The following SH3GL2 variants were observed in gnomAD, a reference collection of about 807,000 sequenced individuals.
SH3GL2 encodes the protein SH3 domain containing GRB2 like 2, endophilin A1, also known as endophilin-A1.
Under a neutral mutation model 46.0 loss-of-function variants are expected in SH3GL2, and 24 were observed. The ratio of observed to expected loss-of-function variants is 0.52; its 90% CI spans 0.38 to 0.73. The LOEUF (loss-of-function observed/expected upper bound fraction) is 0.73, where lower values mean the gene tolerates loss of function less well. SH3GL2 is among the 30% of genes least tolerant of loss of function. SH3GL2 has a pLI of 0.00. For missense variants in SH3GL2, 413 were observed against 424.2 expected (o/e 0.97, Z 0.23); for synonymous variants, 196 against 147.1 (o/e 1.33, Z -2.40).
intron 1 of SH3GL2, among the ~76,000 whole-genome samples, chr9:17,584,672 G>C (rs1286462911): frequency 6.6e-6 from 1 of 152,152 alleles, no homozygotes; most frequent in Non-Finnish European, 1.5e-5. Context: ...AGAGGTGTCA[G>C]GATTGAATGA....
chr9:17,636,318 T>C (rs1819542977), intron 1 of SH3GL2, among the ~76,000 whole-genome samples: 1 of 152,174 alleles, frequency 6.6e-6, no homozygotes, highest in Admixed American at 6.6e-5. Flanking sequence ...ATGGTCTGTG[T>C]TCTAATAACC....
At chr9:17,785,639 A>G (rs377429830) in intron 3 of SH3GL2, among the ~76,000 whole-genome samples, 9 of 152,146 alleles carry the variant, frequency 5.9e-5, no homozygotes, top group East Asian at 3.9e-4. Flanking sequence ...GGCTTTAACA[A>G]TTTTTTTAAT....
intron 1 of SH3GL2, among the ~76,000 whole-genome samples, chr9:17,596,292 A>G (rs1418562611): frequency 6.6e-6 from 1 of 152,228 alleles, no homozygotes; most frequent in Non-Finnish European, 1.5e-5. Flanking sequence ...TACAAACATT[A>G]TAAGTAAGCA....
At chr9:17,786,236 G>T in intron 3 of SH3GL2, 145 bp from the exon 4 acceptor site, 1 of 655,084 alleles carries the variant, frequency 1.5e-6, no homozygotes. Context: ...CTGACTGACG[G>T]AGAGAACACT....
rs377538406 is a variant in SH3GL2 at position 17,795,560 on chromosome 9, G to T, written c.876G>T (p.Gln292His). 7 of 1,613,802 alleles carry T rather than the reference G, an allele frequency of 4.3e-6. No individual in the cohort carries two copies. The highest frequency in any genetic ancestry group is 5.9e-6 in the Non-Finnish European group (7 of 1,179,874). Residue 292 changes from glutamine (Q) to histidine (H), a missense_variant, in exon 9 of 9, where the codon CAG (glutamine) becomes CAT (histidine). Around this residue, in one of 3 missense-constraint regions of SH3GL2, gnomAD observed 248 missense variants for 215.0 expected, o/e 1.15. Transcript: ENST00000380607. The part of the protein sequence containing the change: ...TPKPSGVQMD[Q>H]PCCRALYDFE... ...TACTCCCAGGTGTCCAAATGGATCA[G>T]CCCTGCTGCCGAGCTCTGTACGACT... is the stretch of plus-strand genomic sequence containing the variant.
At chr9:17,755,020 A>G (rs898928449) in intron 2 of SH3GL2, among the ~76,000 whole-genome samples, 1 of 152,040 alleles carries the variant, frequency 6.6e-6, no homozygotes, top group Admixed American at 6.6e-5. Context: ...TTCCAATACT[A>G]TGTTAAATAG....
chr9:17,735,461 C>T (rs529193959), intron 1 of SH3GL2, among the ~76,000 whole-genome samples: 92 of 152,238 alleles, frequency 6.0e-4, no homozygotes, highest in African/African-American at 2.1e-3. Context: ...CATATAGCTA[C>T]AGTTGACCCT....
chr9:17,657,331 A>G (rs781231032), intron 1 of SH3GL2, among the ~76,000 whole-genome samples: 55 of 152,120 alleles, frequency 3.6e-4, no homozygotes, highest in Non-Finnish European at 7.2e-4. Context: ...ACCTGTTGTA[A>G]AATCTGGAGC....
chr9:17,748,575 A>AT, intron 2 of SH3GL2, among the ~76,000 whole-genome samples: 1 of 152,212 alleles, frequency 6.6e-6, no homozygotes, highest in East Asian at 1.9e-4. Context: ...TTAAAAAAAA[A>AT]ATCCTAGGTA....
intron 1 of SH3GL2, among the ~76,000 whole-genome samples, chr9:17,664,821 T>C (rs1463761890): frequency 6.6e-6 from 1 of 151,926 alleles, no homozygotes; most frequent in Non-Finnish European, 1.5e-5. Flanking sequence ...CCCCTTTTAA[T>C]TCACTCAACT....
At chr9:17,645,338 G>T (rs1241272826) in intron 1 of SH3GL2, among the ~76,000 whole-genome samples, 3 of 151,818 alleles carry the variant, frequency 2.0e-5, no homozygotes, top group Admixed American at 6.6e-5. Context: ...TTGCAAGTCT[G>T]TGCCTTTTAA....
intron 1 of SH3GL2, among the ~76,000 whole-genome samples, chr9:17,682,536 A>C (rs1023328716): frequency 6.6e-6 from 1 of 152,056 alleles, no homozygotes; most frequent in Non-Finnish European, 1.5e-5. Context: ...AGGGGAACCA[A>C]CATGCACCAG....
At chr9:17,794,935 T>C (rs1211049256) in intron 8 of SH3GL2, among the ~76,000 whole-genome samples, 1 of 152,250 alleles carries the variant, frequency 6.6e-6, no homozygotes, top group Admixed American at 6.5e-5. Context: ...ACAGTGAAAC[T>C]GAGAGCGAAG....
intron 1 of SH3GL2, among the ~76,000 whole-genome samples, chr9:17,701,602 G>A (rs1354144242): frequency 2.6e-5 from 4 of 152,110 alleles, no homozygotes; most frequent in African/African-American, 9.7e-5. Context: ...CGAACAATAA[G>A]CATGTTCATT....
intron 3 of SH3GL2, among the ~76,000 whole-genome samples, chr9:17,771,861 C>T (rs1823489794): frequency 6.6e-6 from 1 of 151,988 alleles, no homozygotes; most frequent in South Asian, 2.1e-4. Flanking sequence ...TTGAGAGTAG[C>T]ACGATCCAGT....
At chr9:17,673,797 C>G (rs1286122367) in intron 1 of SH3GL2, among the ~76,000 whole-genome samples, 2 of 152,146 alleles carry the variant, frequency 1.3e-5, no homozygotes, top group South Asian at 2.1e-4. Flanking sequence ...TTTATTAATT[C>G]TTTTGCTTTC....
At chr9:17,771,419 G>A (rs536204972) in intron 3 of SH3GL2, among the ~76,000 whole-genome samples, 1 of 152,256 alleles carries the variant, frequency 6.6e-6, no homozygotes, top group South Asian at 2.1e-4. Context: ...TCAACCTAGG[G>A]CATCTCAGAT....
chr9:17,693,331 C>A (rs1261885406), intron 1 of SH3GL2, among the ~76,000 whole-genome samples: 2 of 152,078 alleles, frequency 1.3e-5, no homozygotes, highest in African/African-American at 4.8e-5. Flanking sequence ...AGAAACCCTA[C>A]CATTTAGGAG....
intron 1 of SH3GL2, among the ~76,000 whole-genome samples, chr9:17,681,813 A>G (rs1820776105): frequency 6.6e-6 from 1 of 152,198 alleles, no homozygotes; most frequent in Non-Finnish European, 1.5e-5. Flanking sequence ...CATCTGCCAA[A>G]GGTATAATAT....
Sources: allele counts gnomAD v4.1 joint callset (sites outside exome capture counted in the v4.1 genomes callset), GRCh38; gene constraint gnomAD v4.1.1; regional missense constraint gnomAD v4.1.1; transcripts MANE v1.5; gene names NCBI Gene and HGNC (gene_info 2026-07-23, HGNC 2026-07-21).